COL9A3: variants seen among roughly 807,000 people sequenced by gnomAD.
The protein encoded by COL9A3 is collagen type IX alpha 3 chain.
A neutral mutation model predicts 110.2 loss-of-function variants in COL9A3; 82 were observed. That is an observed-to-expected ratio of 0.74 (90% CI 0.62 to 0.89). The LOEUF (loss-of-function observed/expected upper bound fraction) is 0.89. Among genes scored for constraint, COL9A3 ranks in the 40% least tolerant of loss-of-function variants. COL9A3 has a pLI of 0.00. For synonymous variants in COL9A3, 494 were observed against 403.8 expected, an observed-to-expected ratio of 1.22 and a Z score of -2.68; for missense variants, 1,066 against 981.3, an observed-to-expected ratio of 1.09 and a Z score of -1.15.
chr20:62,830,302 C>T (rs1400444190), intron 22 of COL9A3, 58 bp from the exon 23 acceptor site: 4 of 1,540,784 alleles, frequency 2.6e-6, no homozygotes, highest in East Asian at 2.4e-5. Context: ...TCCCTGGGGC[C>T]TCTTGGGGAC....
Position 62,832,790 on chromosome 20 carries a change from G to A in COL9A3, c.1324-230G>A, listed in dbSNP as rs73157310. 0.079 allele frequency: 41,542 copies of A among 528,272 alleles called. 2,161 individuals are homozygous for A. The highest frequency in any genetic ancestry group is 0.1 in the Non-Finnish European group (29,276 of 288,112). 32.7% of individuals were successfully genotyped at this position (528,272 alleles called of 1,614,324 possible). On this transcript the variant is annotated intron_variant, in intron 25 of 31. Transcript: ENST00000649368. ...ACCGCAGGTTCTGCTTGGCAGAAAA[G>A]CCTCATTATGCAAACAAATGTCTTC...
chr20:62,831,242 C>T (rs550113923), intron 24 of COL9A3: 1 of 152,446 alleles, frequency 6.6e-6, no homozygotes, highest in Non-Finnish European at 1.5e-5. Flanking sequence ...GCATTAGCTC[C>T]TTGGGGGTCC....
Position 62,841,048 on chromosome 20 carries a change from TAA to T in COL9A3, c.*318_*319del. 2 of 351,496 alleles carry T rather than the reference TAA, an allele frequency of 5.7e-6. No homozygotes were observed. Among genetic ancestry groups the T allele is most frequent in the South Asian group, 2.7e-5 (1 of 36,390 alleles). The allele number at this position is 351,496 out of a possible 1,614,324, so 21.8% of individuals were successfully genotyped here. The stretch of plus-strand genomic sequence containing the variant: ...GTAACTTGTTTACATAGCATTTGTG[TAA>T]AGACTATGATCTCATCCCAATAAAA... On this transcript the variant is annotated 3_prime_UTR_variant, in exon 32 of 32. Transcript: ENST00000649368.
intron 17 of COL9A3, 38 bp from the exon 18 acceptor site, chr20:62,828,725 GC>G: frequency 6.2e-7 from 1 of 1,609,336 alleles, no homozygotes. Flanking sequence ...AGGGAGGGGG[GC>G]CACTGCCCGA....
At position 62,830,429 on chromosome 20, in the gene COL9A3, G is replaced by T. The variant is rs778768375; in HGVS notation, c.1215+16G>T. On this transcript the variant is annotated intron_variant, in intron 23 of 31. Coordinates refer to ENST00000649368, the MANE Select transcript of COL9A3 (RefSeq NM_001853.4). ...AGGCTTCCAGGTGGGTGAGGTTGGGGCAAGGGCCTGGCATGGGGGGCGGCA... is the reference window on the plus strand; with the variant it reads ...AGGCTTCCAGGTGGGTGAGGTTGGGTCAAGGGCCTGGCATGGGGGGCGGCA... The T allele has an allele frequency of 6.4e-7, 1 of 1,565,304 alleles. No individual in the cohort carries two copies. Among genetic ancestry groups the T allele is most frequent in the Admixed American group, 1.9e-5 (1 of 52,990 alleles).
intron 4 of COL9A3, 54 bp from the exon 5 acceptor site, chr20:62,819,875 G>A: frequency 6.2e-7 from 1 of 1,603,708 alleles, no homozygotes. Context: ...TTGCCTGGGG[G>A]GTGGCATGTG....
In COL9A3 at chr20:62,827,279, C is replaced by T. The variant is rs1345897296; in HGVS notation, c.831C>T (p.Gly277=). 6.2e-7 allele frequency: 1 copy of T among 1,613,180 alleles called. No individual in the cohort carries two copies. The highest frequency in any genetic ancestry group is 1.1e-5 in the South Asian group (1 of 91,088). ...RGERGPEGFR[G]PKGDLGRPGP... is the part of the protein sequence containing the mutation. Reference sequence around the variant, plus strand: ...AGAGGGGCCCAGAAGGGTTCCGCGGCCCCAAGGGTGACCTCGTAAGTGAGA... The same window carrying T: ...AGAGGGGCCCAGAAGGGTTCCGCGGTCCCAAGGGTGACCTCGTAAGTGAGA... The change falls in exon 16 of 32, where the codon GGC becomes GGT. Residue 277 remains glycine (G), a synonymous_variant. Coordinates refer to ENST00000649368, the MANE Select transcript of COL9A3 (RefSeq NM_001853.4).
At chr20:62,817,783 G>T in intron 2 of COL9A3, 148 bp downstream of exon 2, 1 of 653,206 alleles carries the variant, frequency 1.5e-6, no homozygotes, top group Admixed American at 2.6e-5. Context: ...TGCCTTCACG[G>T]GATGGGGGTG....
chr20:62,819,427 T>TC (rs1991047279), intron 4 of COL9A3, 134 bp downstream of exon 4: 2 of 856,316 alleles, frequency 2.3e-6, no homozygotes, highest in African/African-American at 3.3e-5. Flanking sequence ...TCTCCAGAAG[T>TC]CCCCAACAGG....
chr20:62,832,891 C>A (rs2063607500), intron 25 of COL9A3, 129 bp from the exon 26 acceptor site: 1 of 841,342 alleles, frequency 1.2e-6, no homozygotes, highest in Non-Finnish European at 1.9e-6. Context: ...AGCCCTGGGG[C>A]CTGGGCTTTT....
chr20:62,824,369 C>A, intron 10 of COL9A3, 76 bp from the exon 11 acceptor site: 1 of 1,474,948 alleles, frequency 6.8e-7, no homozygotes, highest in South Asian at 1.2e-5. Flanking sequence ...CCTGGGGTCC[C>A]GCGGGCGCTG....
upstream of COL9A3, chr20:62,816,978 A>G (rs1990941218): frequency 1.7e-6 from 1 of 604,504 alleles, no homozygotes; most frequent in Non-Finnish European, 2.2e-6. Context: ...GGGGGCGGGA[A>G]GGGGAAGGGG....
Position 62,836,147 on chromosome 20 carries a change from T to C in COL9A3, c.1402-40T>C, listed in dbSNP as rs549960220. The C allele has an allele frequency of 1.1e-5, 18 of 1,607,660 alleles. No individual in the cohort carries two copies. In the African/African-American group the frequency reaches 1.7e-4, roughly 15 times the overall value. Reference sequence around the variant, plus strand: ...GCACGTCGGGGTGGCTCTGGGCTCCTGGGCTCGCCCCTGACCCACCTTCCT... The same window carrying C: ...GCACGTCGGGGTGGCTCTGGGCTCCCGGGCTCGCCCCTGACCCACCTTCCT... On this transcript the variant is annotated intron_variant, in intron 27 of 31. Transcript: ENST00000649368.
upstream of COL9A3, chr20:62,817,035 C>T (rs960001175): frequency 6.6e-6 from 8 of 1,219,226 alleles, no homozygotes; most frequent in Non-Finnish European, 5.1e-6. Context: ...GCCGCCCGCC[C>T]CGACGCCGCA....
In COL9A3 at chr20:62,837,241, G is replaced by A. The variant is rs925183938; in HGVS notation, c.1762G>A (p.Glu588Lys). The change falls in exon 30 of 32, where the codon GAG becomes AAG. Residue 588 changes from glutamate to lysine, a missense_variant. Glu to Lys is a moderately conservative substitution (Grantham distance 56, BLOSUM62 1). Coordinates refer to ENST00000649368, the MANE Select transcript of COL9A3 (RefSeq NM_001853.4). ...GPPGYRGPTG[E>K]LGDPGPRGNQ... ...CCCTGGATACCGCGGTCCCACTGGG[G>A]AGCTGGGAGACCCCGGGCCCAGAGG... is the stretch of plus-strand genomic sequence containing the variant. The A allele has an allele frequency of 1.2e-6, 2 of 1,611,288 alleles. No individual in the cohort carries two copies. Among genetic ancestry groups the A allele is most frequent in the South Asian group, 1.1e-5 (1 of 91,070 alleles).
In COL9A3 at chr20:62,826,790, G is replaced by A. The variant is rs745871843; in HGVS notation, c.762G>A (p.Pro254=). The A allele has an allele frequency of 7.4e-6, 12 of 1,612,652 alleles. No individual in the cohort carries two copies. Among genetic ancestry groups the A allele is most frequent in the South Asian group, 2.2e-5 (2 of 91,084 alleles). ...AGGGTCCCATTGGGTTCCGAGGGCC[G>A]CCTGGGATCCCAGGAGCGCCTGGGA... is the stretch of plus-strand genomic sequence containing the variant. ...GDRGPIGFRG[P]PGIPGAPGKA... The change falls in exon 15 of 32, where the codon CCG becomes CCA. Residue 254 remains proline (P), a synonymous_variant. Coordinates refer to ENST00000649368, the MANE Select transcript of COL9A3 (RefSeq NM_001853.4).
chr20:62,825,661 CTG>C (rs2063546539), intron 12 of COL9A3, 154 bp from the exon 13 acceptor site: 1 of 770,630 alleles, frequency 1.3e-6, no homozygotes, highest in Non-Finnish European at 2.3e-6. Context: ...TGCTCTGGAA[CTG>C]TGGGCAAGTG....
intron 16 of COL9A3, 49 bp from the exon 17 acceptor site, chr20:62,827,874 C>G: frequency 6.3e-7 from 1 of 1,593,918 alleles, no homozygotes. Flanking sequence ...ATGCGTGAGG[C>G]CGTCTGGGAA....
In COL9A3 at chr20:62,827,247, C is replaced by A. The variant is rs1423359801; in HGVS notation, c.799C>A (p.Arg267=). ...IPGAPGKAGD[R]GERGPEGFRG... ...CCCACCTCATCCTTTCCAGGGTGAC[C>A]GAGGCGAGAGGGGCCCAGAAGGGTT... is the stretch of plus-strand genomic sequence containing the variant. Residue 267 remains arginine (R), a synonymous_variant, in exon 16 of 32, where the codon CGA becomes AGA. Transcript: ENST00000649368. 1.2e-6 allele frequency: 2 copies of A among 1,613,256 alleles called. No individual in the cohort carries two copies. The highest frequency in any genetic ancestry group is 1.7e-6 in the Non-Finnish European group (2 of 1,179,958).
Sources: allele counts gnomAD v4.1 joint callset, GRCh38; gene constraint gnomAD v4.1.1; transcripts MANE v1.5; gene names NCBI Gene and HGNC (gene_info 2026-07-23, HGNC 2026-07-21).